The following MYO18A variants were observed in gnomAD, a reference collection of about 807,000 sequenced individuals.
MYO18A encodes unconventional myosin-XVIIIa.
Under a neutral mutation model 235.8 loss-of-function variants are expected in MYO18A, and 78 were observed. That is an observed-to-expected ratio of 0.33 (90% CI 0.28 to 0.40). The LOEUF is 0.40. Among genes scored for constraint, MYO18A ranks in the 10% least tolerant of loss-of-function variants. The pLI is 1.00. For synonymous variants in MYO18A, 977 were observed against 1,077.8 expected, an observed-to-expected ratio of 0.91 and a Z score of 1.83; for missense variants, 2,215 against 2,699.3, an observed-to-expected ratio of 0.82 and a Z score of 3.98.
Position 29,166,760 on chromosome 17 carries a change from C to T in MYO18A, c.181G>A (p.Glu61Lys). Residue 61 changes from glutamate (E) to lysine (K), a missense_variant, in exon 2 of 42, where the codon GAA becomes AAA. Physicochemically the swap from Glu to Lys is moderately conservative, Grantham distance 56. Coordinates refer to ENST00000527372, the MANE Select transcript of MYO18A (RefSeq NM_078471.4). The stretch of plus-strand genomic sequence containing the variant: ...TTGATGGGGATGGGGTTGGAGATTT[C>T]CAGGCGCGTCTTGGATTCACGCTTG... ...SSKRESKTRLEISNPIPIKVA... is the reference protein window; with the variant it reads ...SSKRESKTRLKISNPIPIKVA... The T allele has an allele frequency of 6.2e-7, 1 of 1,613,712 alleles. No homozygotes were observed. Among genetic ancestry groups the T allele is most frequent in the Non-Finnish European group, 8.5e-7 (1 of 1,179,824 alleles).
chr17:29,158,683 G>A lies in MYO18A; in HGVS notation c.999+7259C>T, dbSNP rs542136051. Among the ~76,000 whole-genome samples the A allele has an allele frequency of 4.6e-5, 7 of 152,352 alleles. No homozygotes were observed. In the South Asian group the frequency reaches 1.4e-3, roughly 32 times the overall value. On this transcript the variant is annotated intron_variant, in intron 2 of 41. Coordinates refer to ENST00000527372, the MANE Select transcript of MYO18A (RefSeq NM_078471.4). The surrounding 1 kb of genome is among the most constrained non-coding windows in gnomAD (Gnocchi z 4.3). Reference sequence around the variant, plus strand: ...CACCGTCCCCCCAAGACTGCAGTGAGTAGAATACAGCAGCTTAGTGCATTG... The same window carrying A: ...CACCGTCCCCCCAAGACTGCAGTGAATAGAATACAGCAGCTTAGTGCATTG...
intron 39 of MYO18A, 150 bp downstream of exon 39, chr17:29,086,288 G>T: frequency 1.1e-6 from 1 of 878,088 alleles, no homozygotes; most frequent in Non-Finnish European, 1.8e-6. Flanking sequence ...AGGACAGGCT[G>T]TGCTGGGATC....
At chr17:29,136,250 A>ATATATAT (rs1555536337) in intron 2 of MYO18A, among the ~76,000 whole-genome samples, 272 of 82,418 alleles carry the variant, frequency 3.3e-3, no homozygotes, top group African/African-American at 0.011. Flanking sequence ...AAAAAAAAAA[A>ATATATAT]ATATATATAT....
intron 2 of MYO18A, chr17:29,155,410 TG>T (rs1406920545): frequency 1.3e-5 from 2 of 152,148 alleles, no homozygotes; most frequent in Non-Finnish European, 2.9e-5. Flanking sequence ...AAGAGCTCCA[TG>T]GGAAGAACCT....
chr17:29,073,093 G>T lies in MYO18A; in HGVS notation c.*1677C>A, dbSNP rs1177722299. 1 of 122,464 alleles carries T rather than the reference G, an allele frequency of 8.2e-6. No homozygotes were observed. Among genetic ancestry groups the T allele is most frequent in the Non-Finnish European group, 1.6e-5 (1 of 61,032 alleles). 7.6% of individuals were successfully genotyped at this position (122,464 alleles called of 1,614,324 possible). ...CCAAAAAGAAAGAGAATGAAAGAAA[G>T]AAAGAGAGAGAGAGAGGGAGAGAGG... On this transcript the variant is annotated 3_prime_UTR_variant, in exon 42 of 42. Coordinates refer to ENST00000527372, the MANE Select transcript of MYO18A (RefSeq NM_078471.4).
intron 2 of MYO18A, among the ~76,000 whole-genome samples, chr17:29,146,309 C>T (rs2067849077): frequency 1.3e-5 from 2 of 152,044 alleles, no homozygotes; most frequent in South Asian, 2.1e-4. Flanking sequence ...AGTGGAAAAG[C>T]ATGAGATGTG....
intron 2 of MYO18A, among the ~76,000 whole-genome samples, chr17:29,157,267 G>A (rs2068083111): frequency 6.6e-6 from 1 of 152,188 alleles, no homozygotes; most frequent in Admixed American, 6.5e-5. Context: ...CCTGCCTGCT[G>A]CCACTTGGGC....
intron 2 of MYO18A, among the ~76,000 whole-genome samples, chr17:29,153,808 A>T (rs73988922): frequency 0.031 from 4,771 of 152,250 alleles, 174 homozygotes; most frequent in African/African-American, 0.088. Context: ...CAGTTTTGGG[A>T]TTTTGAAGAA....
intron 2 of MYO18A, among the ~76,000 whole-genome samples, chr17:29,132,141 G>T (rs1199945221): frequency 6.6e-6 from 1 of 152,372 alleles, no homozygotes; most frequent in East Asian, 1.9e-4. Flanking sequence ...AGATGCCTAA[G>T]CTCTGGACAC....
intron 41 of MYO18A, chr17:29,080,572 C>T (rs906981191): frequency 1.9e-5 from 19 of 985,746 alleles, no homozygotes; most frequent in Non-Finnish European, 2.3e-5. Flanking sequence ...GGAGGTGCTG[C>T]GGCGGGAACC....
rs376480072 is a variant in MYO18A, at chr17:29,166,137, C to A, written c.804G>T (p.Leu268=). Residue 268 remains leucine (L), a synonymous_variant, in exon 2 of 42, where the codon CTG becomes CTT. Coordinates refer to ENST00000527372, the MANE Select transcript of MYO18A (RefSeq NM_078471.4). Reference sequence around the variant, plus strand: ...CCAGTCGATCTCCTGGCACCAGCCCCAGGGCCAGGTCCTTGGTGCCTGCAC... The same window carrying A: ...CCAGTCGATCTCCTGGCACCAGCCCAAGGGCCAGGTCCTTGGTGCCTGCAC... ...EPGAGTKDLA[L]GLVPGDRLVE... 8 of 1,613,224 alleles carry A rather than the reference C, an allele frequency of 5.0e-6. No homozygotes were observed. The highest frequency in any genetic ancestry group is 6.8e-6 in the Non-Finnish European group (8 of 1,179,900).
chr17:29,128,036 G>C, intron 2 of MYO18A: 1 of 1,014,200 alleles, frequency 9.9e-7, no homozygotes, highest in Non-Finnish European at 1.2e-6. Flanking sequence ...TGGGGAGCCT[G>C]GCTCCTGGCT....
At chr17:29,157,992 C>T (rs2068095157) in intron 2 of MYO18A, among the ~76,000 whole-genome samples, 1 of 152,152 alleles carries the variant, frequency 6.6e-6, no homozygotes, top group Non-Finnish European at 1.5e-5. Context: ...TGGTGTTTTG[C>T]CATGTTGCCC....
Position 29,125,166 on chromosome 17 carries a change from G to A in MYO18A, c.1000-2913C>T, listed in dbSNP as rs1194501933. On this transcript the variant is annotated intron_variant, in intron 2 of 41. Coordinates refer to ENST00000527372, the MANE Select transcript of MYO18A (RefSeq NM_078471.4). This position sits in a 1 kb window ranked among gnomAD's most constrained non-coding sequence, Gnocchi z 5.1. ...GCTCCCCTGTGGCCACCAGCACAGA[G>A]CTGTTCCTTGCCTTCTAACACAGCC... Among the ~76,000 whole-genome samples the A allele has an allele frequency of 6.6e-6, 1 of 152,190 alleles. No homozygotes were observed. Among genetic ancestry groups the A allele is most frequent in the East Asian group, 1.9e-4 (1 of 5,200 alleles).
In MYO18A at chr17:29,073,246, C is replaced by G. The variant is rs1214920948; in HGVS notation, c.*1524G>C. 6.6e-6 allele frequency: 1 copy of G among 152,216 alleles called. No individual in the cohort carries two copies. Among genetic ancestry groups the G allele is most frequent in the African/African-American group, 2.4e-5 (1 of 41,446 alleles). The allele number at this position is 152,216 out of a possible 1,614,324, so 9.4% of individuals were successfully genotyped here. On this transcript the variant is annotated 3_prime_UTR_variant, in exon 42 of 42. Coordinates refer to ENST00000527372, the MANE Select transcript of MYO18A (RefSeq NM_078471.4). ...GGATGAGGCTTGGAGTCTCTGCCAC[C>G]CTTGCTAACCTGAATCACAGTCCCT...
rs953925694 is a variant in MYO18A, at chr17:29,071,561, C to T, written c.*3209G>A. 1 of 152,256 alleles carries T rather than the reference C, an allele frequency of 6.6e-6. No individual in the cohort carries two copies. Among genetic ancestry groups the T allele is most frequent in the African/African-American group, 2.4e-5 (1 of 41,456 alleles). The allele number at this position is 152,256 out of a possible 1,614,324, so 9.4% of individuals were successfully genotyped here. A position where few individuals can be genotyped will look rare whatever the true frequency, so the allele number is the denominator to read the frequency against. ...CAGGACCTTTACTTAAACTCTTCTTCTTCTCAATATGCCTTTCCCAGCAAC... is the reference window on the plus strand; with the variant it reads ...CAGGACCTTTACTTAAACTCTTCTTTTTCTCAATATGCCTTTCCCAGCAAC... On this transcript the variant is annotated 3_prime_UTR_variant, in exon 42 of 42. Coordinates refer to ENST00000527372, the MANE Select transcript of MYO18A (RefSeq NM_078471.4).
chr17:29,140,230 A>T lies in MYO18A; in HGVS notation c.1000-17977T>A. 2.7e-6 allele frequency: 2 copies of T among 744,410 alleles called. No homozygotes were observed. The highest frequency in any genetic ancestry group is 3.6e-6 in the Non-Finnish European group (2 of 554,492). The allele number at this position is 744,410 out of a possible 1,614,324, so 46.1% of individuals were successfully genotyped here. Reference sequence around the variant, plus strand: ...GGCTGCCCCACCCCTCTCCCCACCTACTTCAGCCACATCTGGGGAAATCAC... The same window carrying T: ...GGCTGCCCCACCCCTCTCCCCACCTTCTTCAGCCACATCTGGGGAAATCAC... On this transcript the variant is annotated intron_variant, in intron 2 of 41. Coordinates refer to ENST00000527372, the MANE Select transcript of MYO18A (RefSeq NM_078471.4). The surrounding 1 kb of genome is among the most constrained non-coding windows in gnomAD (Gnocchi z 4.2).
At chr17:29,108,524 T>C (rs548593098) in intron 19 of MYO18A, among the ~76,000 whole-genome samples, 83 of 152,338 alleles carry the variant, frequency 5.4e-4, no homozygotes, top group African/African-American at 1.9e-3. Flanking sequence ...AGCGACTGTC[T>C]TGCTCAAGGT....
chr17:29,094,652 G>T lies in MYO18A; in HGVS notation c.4708C>A (p.Gln1570Lys). The change falls in exon 30 of 42, where the codon CAG becomes AAG. Residue 1570 changes from glutamine to lysine, a missense_variant and splice_region_variant. By Grantham distance (53) the Gln-to-Lys change is moderately conservative. Coordinates refer to ENST00000527372, the MANE Select transcript of MYO18A (RefSeq NM_078471.4). ...EQAGTIQMLE[Q>K]AKLRLEMEME... The stretch of plus-strand genomic sequence containing the variant: ...CCCTTGGCCAAGCCCTCCTGTACCT[G>T]TTCCAGCATCTGGATGGTCCCTGCC... The T allele has an allele frequency of 6.2e-7, 1 of 1,614,036 alleles. No individual in the cohort carries two copies. The highest frequency in any genetic ancestry group is 1.7e-5 in the Admixed American group (1 of 60,030).
Sources: gnomAD v4.1 joint callset for allele counts (sites outside exome capture counted in the v4.1 genomes callset) on GRCh38, gnomAD v4.1.1 for gene constraint, Gnocchi (gnomAD v3.1) non-coding constraint, MANE v1.5 for transcripts, NCBI Gene and HGNC (gene_info 2026-07-23, HGNC 2026-07-21) for gene names.